The following ITGA8 variants were observed in gnomAD, a reference collection of about 807,000 sequenced individuals.
The protein encoded by ITGA8 is integrin alpha-8.
ITGA8 carries 91 observed loss-of-function variants against 142.3 expected under a neutral mutation model. The observed-to-expected ratio is 0.64, with a 90% confidence interval of 0.54 to 0.76. The LOEUF (loss-of-function observed/expected upper bound fraction) is 0.76. ITGA8 is among the 30% of genes least tolerant of loss of function. The pLI is 0.00. For missense variants in ITGA8, 1,406 were observed against 1,327.7 expected, an observed-to-expected ratio of 1.06 and a Z score of -0.92; for synonymous variants, 505 against 485.2, an observed-to-expected ratio of 1.04 and a Z score of -0.54.
intron 27 of ITGA8, among the ~76,000 whole-genome samples, chr10:15,540,128 A>G (rs1388334082): frequency 6.6e-6 from 1 of 152,242 alleles, no homozygotes; most frequent in Non-Finnish European, 1.5e-5. Flanking sequence ...CATTAGCAGC[A>G]TGAAAACATA....
chr10:15,688,302 CAA>C lies in ITGA8; in HGVS notation c.344-266_344-265del, dbSNP rs35060475. Among the ~76,000 whole-genome samples the C allele has an allele frequency of 5.7e-3, 647 of 112,760 alleles. 9 individuals are homozygous for C. The highest frequency in any genetic ancestry group is 0.018 in the African/African-American group (515 of 28,198). The allele number at this position is 112,760 out of a possible 152,430, so 74.0% of individuals were successfully genotyped here. Reference sequence around the variant, plus strand: ...AAACCCTGTCTCTACCAAAAAATACCAAAAAAAAAAAAAAAAAAAAATGCTGG... The same window carrying C: ...AAACCCTGTCTCTACCAAAAAATACCAAAAAAAAAAAAAAAAAAATGCTGG... On this transcript the variant is annotated intron_variant, in intron 2 of 29. Coordinates refer to ENST00000378076, the MANE Select transcript of ITGA8 (RefSeq NM_003638.3).
At chr10:15,535,044 G>T (rs182632754) in intron 27 of ITGA8, among the ~76,000 whole-genome samples, 5 of 152,278 alleles carry the variant, frequency 3.3e-5, no homozygotes, top group African/African-American at 1.2e-4. Flanking sequence ...TGAGTTCCGC[G>T]GGTGAGTGTG....
intron 13 of ITGA8, among the ~76,000 whole-genome samples, chr10:15,642,406 T>A (rs1418797922): frequency 6.6e-6 from 1 of 152,080 alleles, no homozygotes; most frequent in African/African-American, 2.4e-5. Context: ...GTACTAAGGG[T>A]GGGAAGGAGA....
intron 21 of ITGA8, among the ~76,000 whole-genome samples, chr10:15,596,029 C>T (rs898276725): frequency 6.6e-6 from 1 of 152,142 alleles, no homozygotes; most frequent in Non-Finnish European, 1.5e-5. Context: ...TCAGCCTGGG[C>T]AACAAGCGTG....
intron 27 of ITGA8, among the ~76,000 whole-genome samples, chr10:15,533,227 A>T (rs1833348681): frequency 6.6e-6 from 1 of 152,196 alleles, no homozygotes; most frequent in African/African-American, 2.4e-5. Context: ...TAAGGGCAGG[A>T]CATAGTATGT....
chr10:15,532,189 G>A (rs1327438154), intron 27 of ITGA8, among the ~76,000 whole-genome samples: 2 of 152,070 alleles, frequency 1.3e-5, no homozygotes, highest in South Asian at 4.2e-4. Context: ...GGAGGCCAAG[G>A]TGGGCAGATC....
At chr10:15,564,321 A>G (rs901701312) in intron 25 of ITGA8, among the ~76,000 whole-genome samples, 2 of 152,250 alleles carry the variant, frequency 1.3e-5, no homozygotes, top group Non-Finnish European at 2.9e-5. Context: ...CATTTTCTAC[A>G]TGAACATTTG....
intron 23 of ITGA8, among the ~76,000 whole-genome samples, chr10:15,580,116 T>A (rs1399542473): frequency 4.8e-5 from 4 of 83,776 alleles, no homozygotes; most frequent in East Asian, 3.5e-4. Flanking sequence ...GCCAGACTGA[T>A]CAGAAAATGT....
At chr10:15,601,546 T>A (rs1470295185) in intron 20 of ITGA8, among the ~76,000 whole-genome samples, 2 of 152,168 alleles carry the variant, frequency 1.3e-5, no homozygotes, top group Admixed American at 6.6e-5. Flanking sequence ...ACTGCGCACT[T>A]GAAAATGGCT....
chr10:15,595,756 C>A (rs1038528869), intron 21 of ITGA8, among the ~76,000 whole-genome samples: 1 of 152,088 alleles, frequency 6.6e-6, no homozygotes, highest in African/African-American at 2.4e-5. Context: ...TCTTAGGTAA[C>A]CCTCTTCATA....
intron 2 of ITGA8, among the ~76,000 whole-genome samples, chr10:15,710,821 G>A (rs931102014): frequency 4.6e-5 from 7 of 152,308 alleles, no homozygotes; most frequent in South Asian, 2.1e-4. Flanking sequence ...GAGATGCTGC[G>A]TATAGCGTGG....
At chr10:15,528,253 G>C (rs1178479336) in intron 28 of ITGA8, among the ~76,000 whole-genome samples, 2 of 152,044 alleles carry the variant, frequency 1.3e-5, no homozygotes, top group African/African-American at 2.4e-5. Flanking sequence ...CTCCCTTCAA[G>C]AGAAGAATGG....
chr10:15,533,874 G>C (rs1372861276), intron 27 of ITGA8, among the ~76,000 whole-genome samples: 2 of 151,674 alleles, frequency 1.3e-5, no homozygotes, highest in Non-Finnish European at 2.9e-5. Flanking sequence ...GTTGGCTGCA[G>C]TTTGATTTCT....
At chr10:15,573,210 C>T (rs1047432924) in intron 24 of ITGA8, among the ~76,000 whole-genome samples, 2 of 152,078 alleles carry the variant, frequency 1.3e-5, no homozygotes, top group African/African-American at 4.8e-5. Flanking sequence ...TTTTGAGTCA[C>T]GAGATTAGCA....
chr10:15,687,199 ACTTATT>A (rs796931969), intron 3 of ITGA8, among the ~76,000 whole-genome samples: 173 of 152,276 alleles, frequency 1.1e-3, no homozygotes, highest in African/African-American at 3.8e-3. Context: ...TCCTTTAGAT[ACTTATT>A]CTTATTAAAT....
intron 2 of ITGA8, among the ~76,000 whole-genome samples, chr10:15,701,686 C>A (rs1354330352): frequency 1.3e-5 from 2 of 152,180 alleles, no homozygotes; most frequent in Non-Finnish European, 1.5e-5. Flanking sequence ...AACATTTTGG[C>A]AGACAGGATA....
chr10:15,620,817 G>A (rs1411364892), intron 13 of ITGA8, among the ~76,000 whole-genome samples: 4 of 152,132 alleles, frequency 2.6e-5, no homozygotes, highest in African/African-American at 7.2e-5. Context: ...TGTATGCAGC[G>A]TATCTGTTAT....
chr10:15,635,016 T>G (rs1833748482), intron 13 of ITGA8, among the ~76,000 whole-genome samples: 1 of 147,156 alleles, frequency 6.8e-6, no homozygotes, highest in Admixed American at 6.7e-5. Context: ...TTTTTTTTTT[T>G]TTTTTTTTGG....
intron 28 of ITGA8, among the ~76,000 whole-genome samples, chr10:15,524,773 G>T (rs1224076155): frequency 6.6e-6 from 1 of 152,160 alleles, no homozygotes; most frequent in African/African-American, 2.4e-5. Flanking sequence ...GGGACTGCAG[G>T]CTAGTTTTGG....
Sources: gnomAD v4.1 joint callset for allele counts (sites outside exome capture counted in the v4.1 genomes callset) on GRCh38, gnomAD v4.1.1 for gene constraint, MANE v1.5 for transcripts, NCBI Gene and HGNC (gene_info 2026-07-23, HGNC 2026-07-21) for gene names.